RNF141: variants seen among roughly 807,000 people sequenced by gnomAD.
The protein encoded by RNF141 is C3HC4-like zinc finger protein.
A neutral mutation model predicts 27.4 loss-of-function variants in RNF141; 18 were observed. The ratio of observed to expected loss-of-function variants is 0.66; its 90% CI spans 0.45 to 0.97. The LOEUF (loss-of-function observed/expected upper bound fraction) is 0.97. Ranked by LOEUF, RNF141 falls within the 50% of genes least tolerant of loss-of-function variation. The pLI, the probability that RNF141 is intolerant of heterozygous loss-of-function variation, is 0.00. For missense variants in RNF141, 230 were observed against 279.4 expected (o/e 0.82, Z 1.26); for synonymous variants, 97 against 96.6 (o/e 1.00, Z -0.02).
intron 3 of RNF141, 47 bp downstream of exon 3, chr11:10,530,596 C>T: frequency 1.9e-6 from 2 of 1,058,698 alleles, no homozygotes; most frequent in Non-Finnish European, 2.8e-6. Flanking sequence ...TAGTTCTAGC[C>T]ACCAAAATAG....
At position 10,529,322 on chromosome 11, in the gene RNF141, T is replaced by C. The variant is rs1477370434; in HGVS notation, c.252+1321A>G. 3.3e-5 allele frequency among the ~76,000 whole-genome samples: 5 copies of C among 152,336 alleles called. No individual in the cohort carries two copies. In the East Asian group the frequency reaches 9.6e-4, roughly 29 times the overall value. ...CTGCAGTTAGTCTATAGAGTTAGGA[T>C]TTCTTGATAAGTGAGAAAATAAGTA... On this transcript the variant is annotated intron_variant, in intron 3 of 5. Coordinates refer to ENST00000265981, the MANE Select transcript of RNF141 (RefSeq NM_016422.4).
rs1347505549 is a variant in RNF141 at position 10,513,409 on chromosome 11, GAA to G, written c.*1505_*1506del. 1 of 152,128 alleles carries G rather than the reference GAA, an allele frequency of 6.6e-6. No homozygotes were observed. The allele number at this position is 152,128 out of a possible 1,614,324, so 9.4% of individuals were successfully genotyped here. A position where few individuals can be genotyped will look rare whatever the true frequency, so the allele number is the denominator to read the frequency against. ...TTTGCAACTTATGAATGATAAGTCA[GAA>G]AAGTTACATGGAATGTTAAATTTTA... On this transcript the variant is annotated 3_prime_UTR_variant, in exon 6 of 6. Coordinates refer to ENST00000265981, the MANE Select transcript of RNF141 (RefSeq NM_016422.4).
intron 5 of RNF141, chr11:10,517,559 G>C (rs11607008): frequency 0.2 from 29,854 of 151,808 alleles, 3,876 homozygotes; most frequent in African/African-American, 0.36. Flanking sequence ...CTACTCTAAG[G>C]CACATCATAA....
chr11:10,534,226 T>G, intron 1 of RNF141, 21 bp from the exon 2 acceptor site: 1 of 1,539,192 alleles, frequency 6.5e-7, no homozygotes, highest in East Asian at 2.3e-5. Flanking sequence ...TACAGAAAAG[T>G]TACTTTTACA....
Position 10,513,111 on chromosome 11 carries a change from C to T in RNF141, c.*1805G>A, listed in dbSNP as rs1189576351. 1 of 152,124 alleles carries T rather than the reference C, an allele frequency of 6.6e-6. No individual in the cohort carries two copies. The highest frequency in any genetic ancestry group is 2.4e-5 in the African/African-American group (1 of 41,422). The allele number at this position is 152,124 out of a possible 1,614,324, so 9.4% of individuals were successfully genotyped here. A position where few individuals can be genotyped will look rare whatever the true frequency, so the allele number is the denominator to read the frequency against. ...GTCACACAACCACCAAGTGCATTGC[C>T]AGGTTGATATGATGGAACCCCTGGT... On this transcript the variant is annotated 3_prime_UTR_variant, in exon 6 of 6. Coordinates refer to ENST00000265981, the MANE Select transcript of RNF141 (RefSeq NM_016422.4).
Position 10,532,541 on chromosome 11 carries a change from CA to C in RNF141, c.143+1474del, listed in dbSNP as rs775257522. Among the ~76,000 whole-genome samples the C allele has an allele frequency of 6.5e-3, 784 of 120,480 alleles. 6 individuals are homozygous for C. The highest frequency in any genetic ancestry group is 0.046 in the East Asian group (225 of 4,842). 79.0% of individuals were successfully genotyped at this position (120,480 alleles called of 152,430 possible). On this transcript the variant is annotated intron_variant, in intron 2 of 5. Transcript: ENST00000265981. ...CACACACACACACACACACACACCC[CA>C]CAACTATATACAGCTTTTTGTTTTA...
rs185710697 is a variant in RNF141, at chr11:10,530,551, T to C, written c.252+92A>G. 3.1e-5 allele frequency: 18 copies of C among 579,436 alleles called. No individual in the cohort carries two copies. In the East Asian group the frequency reaches 4.3e-4, roughly 14 times the overall value. 35.9% of individuals were successfully genotyped at this position (579,436 alleles called of 1,614,324 possible). A position where few individuals can be genotyped will look rare whatever the true frequency, so the allele number is the denominator to read the frequency against. ...TTACAAAACCACCGAGTTATTAAAA[T>C]GTATATGCATTATATTATCTTACAG... On this transcript the variant is annotated intron_variant, in intron 3 of 5. Transcript: ENST00000265981.
In RNF141 at chr11:10,513,572, T is replaced by C. The variant is rs1849819656; in HGVS notation, c.*1344A>G. The C allele has an allele frequency of 6.6e-6, 1 of 152,238 alleles. No individual in the cohort carries two copies. Among genetic ancestry groups the C allele is most frequent in the African/African-American group, 2.4e-5 (1 of 41,458 alleles). 9.4% of individuals were successfully genotyped at this position (152,238 alleles called of 1,614,324 possible). ...ACTATATTGTTTCAGAATATTTTAA[T>C]GGAAAGAGTATTTCAATGGAAGTAC... On this transcript the variant is annotated 3_prime_UTR_variant, in exon 6 of 6. Coordinates refer to ENST00000265981, the MANE Select transcript of RNF141 (RefSeq NM_016422.4).
intron 1 of RNF141, 57 bp downstream of exon 1, chr11:10,541,065 C>G (rs1175377082): frequency 6.6e-6 from 1 of 152,290 alleles, no homozygotes; most frequent in Non-Finnish European, 1.5e-5. Flanking sequence ...TTCCCAGACC[C>G]AGAGTCCTGG....
intron 5 of RNF141, 132 bp from the exon 6 acceptor site, chr11:10,515,198 CCCT>C (rs1465854358): frequency 1.0e-6 from 1 of 978,716 alleles, no homozygotes; most frequent in Non-Finnish European, 1.5e-6. Context: ...ATAAATCCCT[CCCT>C]CCTATCTCAA....
chr11:10,522,619 G>A (rs144303403), intron 4 of RNF141, among the ~76,000 whole-genome samples: 90 of 152,266 alleles, frequency 5.9e-4, no homozygotes, highest in Admixed American at 1.2e-3. Flanking sequence ...GAGAACAGAA[G>A]GTTCAGTGAG....
At chr11:10,539,276 A>G (rs1413888457) in intron 1 of RNF141, among the ~76,000 whole-genome samples, 1 of 152,156 alleles carries the variant, frequency 6.6e-6, no homozygotes, top group Non-Finnish European at 1.5e-5. Context: ...TTAAACCATA[A>G]TTCATTCATA....
chr11:10,540,396 T>C (rs768832520), intron 1 of RNF141, among the ~76,000 whole-genome samples: 22 of 152,152 alleles, frequency 1.4e-4, no homozygotes, highest in Non-Finnish European at 3.2e-4. Flanking sequence ...CAATCGTAAA[T>C]CCACATTTTG....
chr11:10,540,447 T>C (rs976558982), intron 1 of RNF141, among the ~76,000 whole-genome samples: 1 of 152,148 alleles, frequency 6.6e-6, no homozygotes, highest in African/African-American at 2.4e-5. Context: ...TTTCAAAAGC[T>C]AACACAGAAG....
At chr11:10,527,683 T>G (rs910342232) in intron 3 of RNF141, among the ~76,000 whole-genome samples, 1 of 152,144 alleles carries the variant, frequency 6.6e-6, no homozygotes, top group Non-Finnish European at 1.5e-5. Context: ...TATGATCTAA[T>G]TTACATTTCA....
At chr11:10,529,736 A>G (rs1446715897) in intron 3 of RNF141, among the ~76,000 whole-genome samples, 1 of 152,244 alleles carries the variant, frequency 6.6e-6, no homozygotes, top group Non-Finnish European at 1.5e-5. Flanking sequence ...AATCTGGATC[A>G]GAAGAGAGAG....
intron 3 of RNF141, among the ~76,000 whole-genome samples, chr11:10,527,590 A>G (rs2133971362): frequency 6.6e-6 from 1 of 151,854 alleles, no homozygotes; most frequent in Middle Eastern, 3.4e-3. Flanking sequence ...AATATATAGG[A>G]CTTTGCTGAT....
chr11:10,517,993 T>C (rs796280341), intron 5 of RNF141, among the ~76,000 whole-genome samples: 6 of 152,124 alleles, frequency 3.9e-5, no homozygotes, highest in African/African-American at 1.4e-4. Context: ...TATGCAACAC[T>C]GAAAACTAAA....
At chr11:10,537,795 T>C (rs1012659802) in intron 1 of RNF141, among the ~76,000 whole-genome samples, 1 of 152,236 alleles carries the variant, frequency 6.6e-6, no homozygotes, top group Non-Finnish European at 1.5e-5. Flanking sequence ...ACTAGGAAGA[T>C]AAGGGTTACT....
Sources: allele counts gnomAD v4.1 joint callset (sites outside exome capture counted in the v4.1 genomes callset), GRCh38; gene constraint gnomAD v4.1.1; transcripts MANE v1.5; gene names NCBI Gene and HGNC (gene_info 2026-07-23, HGNC 2026-07-21).